CDH19: variants seen among roughly 807,000 people sequenced by gnomAD.
CDH19 encodes cadherin 19.
In CDH19, 67 loss-of-function variants were observed where a neutral mutation model predicts 64.2. The ratio of observed to expected loss-of-function variants is 1.04; its 90% CI spans 0.86 to 1.28. The LOEUF is 1.28. Ranked by LOEUF, CDH19 falls within the 50% of genes most tolerant of loss-of-function variation. The probability of loss-of-function intolerance (pLI) is 0.00; values close to 1 mark genes in which losing one functional copy is unlikely to be tolerated. For synonymous variants in CDH19, 346 were observed against 319.3 expected (o/e 1.08, Z -0.89); for missense variants, 1,030 against 929.0 (o/e 1.11, Z -1.41).
At chr18:66,597,162 T>TAAAAA (rs71169160) in intron 1 of CDH19, among the ~76,000 whole-genome samples, 2 of 86,294 alleles carry the variant, frequency 2.3e-5, no homozygotes, top group Admixed American at 1.4e-4. Context: ...AATCTTAAGT[T>TAAAAA]AAAAAAAAAA....
chr18:66,532,947 ATATT>A (rs146205212), intron 8 of CDH19, among the ~76,000 whole-genome samples: 2,626 of 152,212 alleles, frequency 0.017, 73 homozygotes, highest in African/African-American at 0.059. Context: ...GAACATGTAT[ATATT>A]GGATTGCACC....
chr18:66,593,738 A>G (rs1182692429), intron 1 of CDH19, among the ~76,000 whole-genome samples: 3 of 152,126 alleles, frequency 2.0e-5, no homozygotes, highest in South Asian at 4.1e-4. Flanking sequence ...TCGGCCTTCA[A>G]TTAAGAAAAA....
intron 1 of CDH19, among the ~76,000 whole-genome samples, chr18:66,573,242 T>C (rs1387673651): frequency 1.3e-5 from 2 of 151,682 alleles, no homozygotes; most frequent in Non-Finnish European, 3.0e-5. Flanking sequence ...TGGAGTTTAA[T>C]GTCATATAAT....
chr18:66,535,362 T>C (rs72954418), intron 7 of CDH19, among the ~76,000 whole-genome samples: 32,216 of 151,366 alleles, frequency 0.21, 4,468 homozygotes, highest in Middle Eastern at 0.33. Flanking sequence ...TGAATCTTTT[T>C]TTCCTATCAA....
intron 1 of CDH19, among the ~76,000 whole-genome samples, chr18:66,576,617 A>C (rs540544780): frequency 6.6e-6 from 1 of 151,788 alleles, no homozygotes; most frequent in East Asian, 1.9e-4. Flanking sequence ...ACAATGCCTC[A>C]AAATAAATGA....
At chr18:66,574,018 T>G (rs979221204) in intron 1 of CDH19, among the ~76,000 whole-genome samples, 1 of 151,664 alleles carries the variant, frequency 6.6e-6, no homozygotes. Context: ...TCATACAGTG[T>G]TCAAATTAAA....
intron 1 of CDH19, among the ~76,000 whole-genome samples, chr18:66,588,604 T>TAATATATATA (rs1988644075): frequency 9.6e-6 from 1 of 104,602 alleles, no homozygotes; most frequent in Non-Finnish European, 2.5e-5. Flanking sequence ...TTTTTACTAA[T>TAATATATATA]CATATATATC....
intron 1 of CDH19, among the ~76,000 whole-genome samples, chr18:66,578,402 A>T (rs1233601392): frequency 6.6e-6 from 1 of 151,958 alleles, no homozygotes; most frequent in African/African-American, 2.4e-5. Flanking sequence ...CAACGGGTAA[A>T]TGCAAATTAA....
chr18:66,549,872 C>A (rs1227042769), intron 5 of CDH19, among the ~76,000 whole-genome samples: 4 of 151,898 alleles, frequency 2.6e-5, no homozygotes, highest in Non-Finnish European at 5.9e-5. Flanking sequence ...TTGTATGATG[C>A]CAACTTCCTG....
chr18:66,550,508 C>T (rs1385270911), intron 5 of CDH19, among the ~76,000 whole-genome samples: 1 of 152,036 alleles, frequency 6.6e-6, no homozygotes, highest in Non-Finnish European at 1.5e-5. Flanking sequence ...AATTAGCTGA[C>T]CTTGAGATGG....
intron 9 of CDH19, among the ~76,000 whole-genome samples, chr18:66,523,786 AG>A (rs1026126367): frequency 2.6e-5 from 4 of 151,926 alleles, no homozygotes; most frequent in Admixed American, 2.6e-4. Context: ...CAAAGGGAAA[AG>A]CAAACATGCC....
intron 1 of CDH19, among the ~76,000 whole-genome samples, chr18:66,578,801 T>A (rs1988340007): frequency 6.6e-6 from 1 of 151,996 alleles, no homozygotes; most frequent in Non-Finnish European, 1.5e-5. Context: ...GTCTATGCAA[T>A]GTAATGATAC....
chr18:66,507,373 T>C (rs1985252488), intron 11 of CDH19, among the ~76,000 whole-genome samples: 1 of 151,896 alleles, frequency 6.6e-6, no homozygotes, highest in Admixed American at 6.6e-5. Flanking sequence ...CTCATGCCAG[T>C]TTGAGTGGTC....
chr18:66,507,013 A>G lies in CDH19; in HGVS notation c.1829-1711T>C, dbSNP rs1442548971. Among the ~76,000 whole-genome samples the G allele has an allele frequency of 4.6e-5, 7 of 151,988 alleles. No homozygotes were observed. In the South Asian group the frequency reaches 1.2e-3, roughly 27 times the overall value. On this transcript the variant is annotated intron_variant, in intron 11 of 11. Transcript: ENST00000262150. ...TATAAAACATTCAAAGGAAATCACT[A>G]TTGTAATAGTTGACCCGTAACTCCC...
intron 3 of CDH19, among the ~76,000 whole-genome samples, chr18:66,559,754 G>A (rs934487265): frequency 6.6e-6 from 1 of 150,458 alleles, no homozygotes; most frequent in Non-Finnish European, 1.5e-5. Context: ...TATATGAAAA[G>A]AAATAAAATA....
intron 1 of CDH19, among the ~76,000 whole-genome samples, chr18:66,590,090 G>A (rs572706409): frequency 6.6e-6 from 1 of 151,736 alleles, no homozygotes; most frequent in Non-Finnish European, 1.5e-5. Context: ...TCAATTTCAG[G>A]GAAATTGTTT....
intron 5 of CDH19, among the ~76,000 whole-genome samples, chr18:66,549,757 T>A (rs1186787846): frequency 6.6e-6 from 1 of 152,130 alleles, no homozygotes; most frequent in Non-Finnish European, 1.5e-5. Flanking sequence ...TGAGTAGTTG[T>A]CTGTATCATT....
chr18:66,501,194 A>C lies in CDH19; in HGVS notation c.*3618T>G, dbSNP rs1184546943. 2 of 152,176 alleles carry C rather than the reference A, an allele frequency of 1.3e-5. No individual in the cohort carries two copies. The highest frequency in any genetic ancestry group is 4.8e-5 in the African/African-American group (2 of 41,462). 9.4% of individuals were successfully genotyped at this position (152,176 alleles called of 1,614,324 possible). A position where few individuals can be genotyped will look rare whatever the true frequency, so the allele number is the denominator to read the frequency against. ...ATAGATTGGATTCATTACTACATTA[A>C]TTCCAGAAATATTTATTGGTCACTT... On this transcript the variant is annotated 3_prime_UTR_variant, in exon 12 of 12. Transcript: ENST00000262150.
intron 9 of CDH19, among the ~76,000 whole-genome samples, chr18:66,526,005 T>C (rs1281212190): frequency 6.6e-6 from 1 of 152,134 alleles, no homozygotes; most frequent in Non-Finnish European, 1.5e-5. Context: ...CAAATTGACC[T>C]TCCTTTTATT....
Sources: allele counts gnomAD v4.1 joint callset (sites outside exome capture counted in the v4.1 genomes callset), GRCh38; gene constraint gnomAD v4.1.1; transcripts MANE v1.5; gene names NCBI Gene and HGNC (gene_info 2026-07-23, HGNC 2026-07-21).